The following TNIK variants were observed in gnomAD, a reference collection of about 807,000 sequenced individuals.
The protein encoded by TNIK is TRAF2 and NCK-interacting protein kinase.
Under a neutral mutation model 191.3 loss-of-function variants are expected in TNIK, and 49 were observed. The ratio of observed to expected loss-of-function variants is 0.26; its 90% CI spans 0.20 to 0.32. The LOEUF (loss-of-function observed/expected upper bound fraction) is 0.32. Among genes scored for constraint, TNIK ranks in the 10% least tolerant of loss-of-function variants. The probability of loss-of-function intolerance (pLI) is 1.00; values close to 1 mark genes in which losing one functional copy is unlikely to be tolerated. For synonymous variants in TNIK, 594 were observed against 600.9 expected (o/e 0.99, Z 0.17); for missense variants, 1,155 against 1,702.3 (o/e 0.68, Z 5.66).
At chr3:171,106,347 ACTAGTCT>A (rs1724881631) in intron 21 of TNIK, among the ~76,000 whole-genome samples, 1 of 152,180 alleles carries the variant, frequency 6.6e-6, no homozygotes, top group South Asian at 2.1e-4. Flanking sequence ...AGGTTATGAG[ACTAGTCT>A]CAGCCAGTTA....
intron 5 of TNIK, among the ~76,000 whole-genome samples, chr3:171,192,460 C>G (rs1445409298): frequency 6.6e-6 from 1 of 152,182 alleles, no homozygotes; most frequent in Non-Finnish European, 1.5e-5. Flanking sequence ...TGAGTCATGT[C>G]TGAAATGCTG....
At chr3:171,450,138 C>T (rs1727999715) in intron 1 of TNIK, among the ~76,000 whole-genome samples, 2 of 152,104 alleles carry the variant, frequency 1.3e-5, no homozygotes, top group South Asian at 2.1e-4. Flanking sequence ...CAGGAGTCTT[C>T]GTAGCTTCCC....
intron 27 of TNIK, among the ~76,000 whole-genome samples, chr3:171,080,823 G>A (rs1464399879): frequency 2.0e-5 from 3 of 152,312 alleles, no homozygotes; most frequent in Middle Eastern, 3.4e-3. Flanking sequence ...TCATTGTGTG[G>A]TCAGTATTCA....
intron 4 of TNIK, among the ~76,000 whole-genome samples, chr3:171,197,265 AG>A (rs1228745970): frequency 4.6e-5 from 7 of 152,320 alleles, no homozygotes; most frequent in Non-Finnish European, 1.0e-4. Context: ...AATGGATCAA[AG>A]ACCTAAATAT....
chr3:171,283,534 AG>A (rs1392728861), intron 2 of TNIK, among the ~76,000 whole-genome samples: 2 of 152,150 alleles, frequency 1.3e-5, no homozygotes, highest in Non-Finnish European at 2.9e-5. Context: ...CTGCCAGTTA[AG>A]GGCTCTGAAA....
intron 27 of TNIK, 39 bp from the exon 28 acceptor site, chr3:171,079,691 A>T: frequency 6.4e-7 from 1 of 1,566,260 alleles, no homozygotes. Flanking sequence ...AATTGCTGTG[A>T]CAGCTCTCAC....
intron 1 of TNIK, among the ~76,000 whole-genome samples, chr3:171,421,724 ATTTTTTTTT>A (rs67895255): frequency 4.3e-4 from 39 of 91,356 alleles, no homozygotes; most frequent in African/African-American, 1.9e-3. Context: ...TAGTTGTGTA[ATTTTTTTTT>A]TTTTTTTTTT....
At chr3:171,426,353 A>G (rs1298183050) in intron 1 of TNIK, among the ~76,000 whole-genome samples, 1 of 144,154 alleles carries the variant, frequency 6.9e-6, no homozygotes, top group East Asian at 2.1e-4. Flanking sequence ...GGAATTGAAC[A>G]ATGAGAACAC....
chr3:171,068,823 T>G, intron 30 of TNIK, 25 bp downstream of exon 30: 1 of 1,602,838 alleles, frequency 6.2e-7, no homozygotes, highest in Non-Finnish European at 8.5e-7. Flanking sequence ...AGAGAGCCCT[T>G]GAAAGTCTAC....
At chr3:171,439,355 AAG>A (rs1203251132) in intron 1 of TNIK, among the ~76,000 whole-genome samples, 1 of 151,662 alleles carries the variant, frequency 6.6e-6, no homozygotes, top group Non-Finnish European at 1.5e-5. Context: ...AAAAAAAAAA[AAG>A]AAAAAGAAAA....
At chr3:171,149,534 CAA>C (rs1183681075) in intron 12 of TNIK, among the ~76,000 whole-genome samples, 2 of 152,178 alleles carry the variant, frequency 1.3e-5, no homozygotes, top group Non-Finnish European at 2.9e-5. Flanking sequence ...ACAAAGCGGA[CAA>C]AGTCAGAACT....
At chr3:171,156,357 C>A (rs1733175183) in intron 12 of TNIK, among the ~76,000 whole-genome samples, 2 of 152,186 alleles carry the variant, frequency 1.3e-5, no homozygotes, top group Admixed American at 1.3e-4. Context: ...ATTTAAAAAG[C>A]AATCTGCTGC....
intron 2 of TNIK, among the ~76,000 whole-genome samples, chr3:171,351,082 C>T (rs1313785883): frequency 6.6e-6 from 1 of 151,968 alleles, no homozygotes; most frequent in African/African-American, 2.4e-5. Flanking sequence ...GTAGAGATGA[C>T]GTTTCACTAT....
At chr3:171,179,282 C>T (rs867674249) in intron 7 of TNIK, among the ~76,000 whole-genome samples, 5 of 152,138 alleles carry the variant, frequency 3.3e-5, no homozygotes, top group South Asian at 2.1e-4. Context: ...CAATCTGCAC[C>T]CCGTGTTTCT....
intron 2 of TNIK, among the ~76,000 whole-genome samples, chr3:171,306,445 C>G (rs1343941757): frequency 6.6e-6 from 1 of 152,122 alleles, no homozygotes; most frequent in Non-Finnish European, 1.5e-5. Flanking sequence ...AACTTTGCAT[C>G]ACAGATCTGA....
intron 2 of TNIK, among the ~76,000 whole-genome samples, chr3:171,334,991 T>C (rs1325158700): frequency 7.6e-6 from 1 of 132,176 alleles, no homozygotes; most frequent in Non-Finnish European, 1.6e-5. Flanking sequence ...TCTTCAGAGA[T>C]ACAAATAAAC....
At chr3:171,091,423 A>G (rs1250862247) in intron 23 of TNIK, among the ~76,000 whole-genome samples, 1 of 152,098 alleles carries the variant, frequency 6.6e-6, no homozygotes, top group Non-Finnish European at 1.5e-5. Context: ...CAGCCTCCAT[A>G]TCATATGAGC....
intron 28 of TNIK, among the ~76,000 whole-genome samples, chr3:171,071,672 G>A (rs1719199496): frequency 6.6e-6 from 1 of 152,026 alleles, no homozygotes; most frequent in South Asian, 2.1e-4. Context: ...TGGCTTTTAC[G>A]TTCACCCATA....
At chr3:171,232,099 G>A (rs972351837) in intron 2 of TNIK, among the ~76,000 whole-genome samples, 6 of 151,940 alleles carry the variant, frequency 3.9e-5, no homozygotes, top group African/African-American at 1.5e-4. Flanking sequence ...AATTTTGAAG[G>A]GAAAATGTAA....
Sources: gnomAD v4.1 joint callset for allele counts (sites outside exome capture counted in the v4.1 genomes callset) on GRCh38, gnomAD v4.1.1 for gene constraint, MANE v1.5 for transcripts, NCBI Gene and HGNC (gene_info 2026-07-23, HGNC 2026-07-21) for gene names.